Variants in NEO1 observed in about 807,000 individuals in gnomAD.
The protein encoded by NEO1 is neogenin 1, also known as neogenin.
NEO1 carries 63 observed loss-of-function variants against 159.7 expected under a neutral mutation model. That is an observed-to-expected ratio of 0.39 (90% confidence interval 0.32 to 0.49). The LOEUF is 0.49. NEO1 is among the 20% of genes least tolerant of loss of function. The pLI is 0.85. For missense variants in NEO1, 1,615 were observed against 1,831.0 expected, an observed-to-expected ratio of 0.88 and a Z score of 2.15; for synonymous variants, 633 against 662.0, an observed-to-expected ratio of 0.96 and a Z score of 0.67.
Position 73,260,381 on chromosome 15 carries a change from G to A in NEO1, c.2314G>A (p.Ala772Thr), listed in dbSNP as rs746587421. The part of the protein sequence containing the change: ...ENQNIVVRGY[A>T]IGYGIGSPHA... ...TCAGAACATTGTGGTCAGAGGTTAC[G>A]CCATTGGTTATGGCATTGGCAGCCC... The change falls in exon 15 of 29, where the codon GCC becomes ACC. Residue 772 changes from alanine to threonine, a missense_variant. Coordinates refer to ENST00000261908, the MANE Select transcript of NEO1 (RefSeq NM_002499.4). 9.9e-6 allele frequency: 16 copies of A among 1,613,888 alleles called. No individual in the cohort carries two copies. Among genetic ancestry groups the A allele is most frequent in the Admixed American group, 1.7e-5 (1 of 59,960 alleles).
chr15:73,165,459 G>A (rs968034374), intron 5 of NEO1, among the ~76,000 whole-genome samples: 7 of 152,320 alleles, frequency 4.6e-5, no homozygotes, highest in Non-Finnish European at 1.0e-4. Flanking sequence ...CTGTAGAACA[G>A]TAGGGAGAAT....
intron 5 of NEO1, among the ~76,000 whole-genome samples, chr15:73,140,727 C>T (rs2032301992): frequency 6.6e-6 from 1 of 152,278 alleles, no homozygotes; most frequent in Middle Eastern, 3.4e-3. Flanking sequence ...GTAGAGTAGT[C>T]TTCCAGTCAT....
intron 1 of NEO1, among the ~76,000 whole-genome samples, chr15:73,066,520 A>T (rs1199855732): frequency 6.6e-6 from 1 of 151,880 alleles, no homozygotes; most frequent in African/African-American, 2.4e-5. Context: ...TGTATGAAAA[A>T]TTATCGAGAT....
intron 5 of NEO1, among the ~76,000 whole-genome samples, chr15:73,143,779 A>G (rs1388505381): frequency 6.6e-6 from 1 of 152,090 alleles, no homozygotes; most frequent in East Asian, 1.9e-4. Flanking sequence ...TTCCAACTAC[A>G]ATTTCCTGAT....
At position 73,126,471 on chromosome 15, in the gene NEO1, G is replaced by C. The variant is rs143129579; in HGVS notation, c.779G>C (p.Arg260Thr). The C allele has an allele frequency of 6.2e-7, 1 of 1,613,254 alleles. No individual in the cohort carries two copies. Among genetic ancestry groups the C allele is most frequent in the Non-Finnish European group, 8.5e-7 (1 of 1,179,716 alleles). The change falls in exon 4 of 29, where the codon AGA becomes ACA. Residue 260 changes from arginine (R) to threonine (T), a missense_variant. Coordinates refer to ENST00000261908, the MANE Select transcript of NEO1 (RefSeq NM_002499.4). The part of the protein sequence containing the change: ...VFLKQPSPLV[R>T]VIGQDVVLPC... ...TTGAAACAGCCTTCTCCCTTAGTCA[G>C]AGTCATTGGTCAGGATGTAGTGTTG... is the stretch of plus-strand genomic sequence containing the variant.
chr15:73,269,179 A>C (rs556390976), intron 16 of NEO1, among the ~76,000 whole-genome samples: 3 of 152,322 alleles, frequency 2.0e-5, no homozygotes, highest in Admixed American at 2.0e-4. Flanking sequence ...CATGGCTGAC[A>C]TTCAAGACTC....
chr15:73,207,104 C>G (rs1401369836), intron 7 of NEO1, among the ~76,000 whole-genome samples: 1 of 152,150 alleles, frequency 6.6e-6, no homozygotes, highest in Non-Finnish European at 1.5e-5. Flanking sequence ...ATGGCTCAAT[C>G]CAGCTTGATC....
intron 7 of NEO1, among the ~76,000 whole-genome samples, chr15:73,179,863 GTATA>G (rs200048014): frequency 2.0e-5 from 3 of 147,898 alleles, no homozygotes; most frequent in Admixed American, 6.8e-5. Flanking sequence ...TAAATAATAT[GTATA>G]TATATATATA....
chr15:73,071,566 C>CA, intron 1 of NEO1, among the ~76,000 whole-genome samples: 1 of 151,440 alleles, frequency 6.6e-6, no homozygotes, highest in Non-Finnish European at 1.5e-5. Context: ...CTCACTCCAT[C>CA]ACCCAGGCTG....
At chr15:73,265,521 GA>G (rs2040843841) in intron 15 of NEO1, among the ~76,000 whole-genome samples, 1 of 152,322 alleles carries the variant, frequency 6.6e-6, no homozygotes, top group Admixed American at 6.5e-5. Context: ...CGAAGAGTGG[GA>G]ATAGAAGAGG....
At chr15:73,266,201 A>C in intron 15 of NEO1, 115 bp from the exon 16 acceptor site, 2 of 719,030 alleles carry the variant, frequency 2.8e-6, no homozygotes, top group Non-Finnish European at 4.5e-6. Context: ...CCCCATAAAA[A>C]TTTTTAAAGT....
rs541883177 is a variant in NEO1, at chr15:73,149,307, C to T, written c.1015+13280C>T. On this transcript the variant is annotated intron_variant, in intron 5 of 28. Coordinates refer to ENST00000261908, the MANE Select transcript of NEO1 (RefSeq NM_002499.4). ...TCCAGCCTGGCGACAGAGTAAGACT[C>T]GGTCTAAAAAAAAAAAAAACAGGGT... Among the ~76,000 whole-genome samples, 257 of 145,682 alleles carry T rather than the reference C, an allele frequency of 1.8e-3. 3 individuals are homozygous for T. The highest frequency in any genetic ancestry group is 6.4e-3 in the African/African-American group (243 of 38,116).
rs1555420499 is a variant in NEO1 at position 73,066,035 on chromosome 15, C to CTG, written c.130+13231_130+13232insGT. ...TTCTTTTTATTTCTTTCTTTCTTTT[C>CTG]TTTTTTTTTTTTTTGAGACGGAGTC... On this transcript the variant is annotated intron_variant, in intron 1 of 28. Transcript: ENST00000261908. Among the ~76,000 whole-genome samples, 4 of 139,766 alleles carry CTG rather than the reference C, an allele frequency of 2.9e-5. No individual in the cohort carries two copies. In the Admixed American group the frequency reaches 3.0e-4, roughly 10 times the overall value. 91.7% of individuals were successfully genotyped at this position (139,766 alleles called of 152,430 possible). A position where few individuals can be genotyped will look rare whatever the true frequency, so the allele number is the denominator to read the frequency against.
chr15:73,146,120 G>A (rs1430409847), intron 5 of NEO1, among the ~76,000 whole-genome samples: 1 of 152,104 alleles, frequency 6.6e-6, no homozygotes, highest in Non-Finnish European at 1.5e-5. Flanking sequence ...CATTAGCTGT[G>A]CATTAATTAT....
chr15:73,198,188 C>T (rs1288614473), intron 7 of NEO1, among the ~76,000 whole-genome samples: 1 of 151,866 alleles, frequency 6.6e-6, no homozygotes, highest in African/African-American at 2.4e-5. Flanking sequence ...TCTAGCAGCA[C>T]TCAGGATTCA....
At chr15:73,188,091 G>T (rs11853109) in intron 7 of NEO1, among the ~76,000 whole-genome samples, 6 of 151,966 alleles carry the variant, frequency 3.9e-5, no homozygotes, top group Admixed American at 2.0e-4. Flanking sequence ...TCCTGTGAAA[G>T]GAATTGTTTG....
chr15:73,238,270 GGTTTTTTTT>G (rs1261016066), intron 8 of NEO1, among the ~76,000 whole-genome samples: 2 of 72,606 alleles, frequency 2.8e-5, no homozygotes, highest in African/African-American at 1.0e-4. Flanking sequence ...TTTTAGTTTG[GGTTTTTTTT>G]TTTTTTTTTT....
At chr15:73,216,281 C>T (rs1309252358) in intron 7 of NEO1, among the ~76,000 whole-genome samples, 1 of 152,142 alleles carries the variant, frequency 6.6e-6, no homozygotes, top group East Asian at 1.9e-4. Context: ...TTTATGGCTG[C>T]ATAGTATTCC....
chr15:73,265,768 G>A (rs1304358997), intron 15 of NEO1, among the ~76,000 whole-genome samples: 1 of 152,122 alleles, frequency 6.6e-6, no homozygotes, highest in Admixed American at 6.6e-5. Context: ...AAAAGCAGCT[G>A]TTTTAAGCTT....
Sources: allele counts gnomAD v4.1 joint callset (sites outside exome capture counted in the v4.1 genomes callset), GRCh38; gene constraint gnomAD v4.1.1; transcripts MANE v1.5; gene names NCBI Gene and HGNC (gene_info 2026-07-23, HGNC 2026-07-21).